Variants in RPS6KA5 observed in about 807,000 individuals in gnomAD.
The protein encoded by RPS6KA5 is ribosomal protein S6 kinase alpha-5.
RPS6KA5 carries 27 observed loss-of-function variants against 85.5 expected under a neutral mutation model. The ratio of observed to expected loss-of-function variants is 0.32; its 90% CI spans 0.23 to 0.44. The LOEUF (loss-of-function observed/expected upper bound fraction) is 0.44, where lower values mean the gene tolerates loss of function less well. Ranked by LOEUF, RPS6KA5 falls within the 20% of genes least tolerant of loss-of-function variation. The pLI, the probability that RPS6KA5 is intolerant of heterozygous loss-of-function variation, is 1.00. For synonymous variants in RPS6KA5, 334 were observed against 348.2 expected (o/e 0.96, Z 0.46); for missense variants, 811 against 980.9 (o/e 0.83, Z 2.31).
intron 1 of RPS6KA5, among the ~76,000 whole-genome samples, chr14:91,011,100 C>T (rs2041236095): frequency 6.6e-6 from 1 of 152,160 alleles, no homozygotes; most frequent in Non-Finnish European, 1.5e-5. Flanking sequence ...ATACAAATCA[C>T]TGTATGCAGA....
At chr14:90,880,361 C>T (rs555969450) in intron 14 of RPS6KA5, among the ~76,000 whole-genome samples, 4 of 152,314 alleles carry the variant, frequency 2.6e-5, no homozygotes, top group South Asian at 4.1e-4. Context: ...AGTATCTTTT[C>T]TGAACATACA....
At chr14:90,891,080 C>T (rs2034524748) in intron 13 of RPS6KA5, among the ~76,000 whole-genome samples, 2 of 151,864 alleles carry the variant, frequency 1.3e-5, no homozygotes, top group South Asian at 4.2e-4. Flanking sequence ...TTTACTTTTC[C>T]TTTCTGGCAC....
At chr14:91,006,262 T>TTGGCCATTCTC (rs1292156990) in intron 1 of RPS6KA5, among the ~76,000 whole-genome samples, 1 of 152,194 alleles carries the variant, frequency 6.6e-6, no homozygotes, top group Non-Finnish European at 1.5e-5. Context: ...GCCTGACAGA[T>TTGGCCATTCTC]TGGCCATTCT....
intron 5 of RPS6KA5, among the ~76,000 whole-genome samples, chr14:90,933,301 A>G (rs931695669): frequency 8.5e-5 from 13 of 152,262 alleles, no homozygotes; most frequent in African/African-American, 3.1e-4. Context: ...TGTCTAATAA[A>G]TGTCTCAAAC....
chr14:91,044,233 A>G (rs2042714211), intron 1 of RPS6KA5, among the ~76,000 whole-genome samples: 2 of 150,342 alleles, frequency 1.3e-5, no homozygotes, highest in South Asian at 2.1e-4. Flanking sequence ...AGAGAGAAAG[A>G]GATGGGGGAG....
At chr14:90,962,728 A>C (rs571710431) in intron 3 of RPS6KA5, among the ~76,000 whole-genome samples, 124 of 152,342 alleles carry the variant, frequency 8.1e-4, no homozygotes, top group African/African-American at 2.7e-3. Context: ...AATTGTAAGA[A>C]CAATACAAAG....
chr14:90,876,628 A>G (rs1020989206), intron 14 of RPS6KA5, among the ~76,000 whole-genome samples: 3 of 152,124 alleles, frequency 2.0e-5, no homozygotes, highest in African/African-American at 2.4e-5. Context: ...TTGGTCATCA[A>G]TGGTGGTGGG....
At chr14:90,874,280 T>C (rs2033309942) in intron 15 of RPS6KA5, among the ~76,000 whole-genome samples, 2 of 152,174 alleles carry the variant, frequency 1.3e-5, no homozygotes, top group African/African-American at 4.8e-5. Context: ...GATAGCAAGA[T>C]ACACAGGCAC....
chr14:91,040,796 G>C (rs2042578912), intron 1 of RPS6KA5, among the ~76,000 whole-genome samples: 1 of 152,192 alleles, frequency 6.6e-6, no homozygotes, highest in Admixed American at 6.5e-5. Flanking sequence ...GCAAGGGGAG[G>C]AAAGTACCAA....
At chr14:91,004,076 G>GT (rs1420208839) in intron 1 of RPS6KA5, among the ~76,000 whole-genome samples, 1 of 152,028 alleles carries the variant, frequency 6.6e-6, no homozygotes, top group Non-Finnish European at 1.5e-5. Context: ...TCATTTTCTT[G>GT]TTTTTTGTTT....
intron 14 of RPS6KA5, among the ~76,000 whole-genome samples, chr14:90,875,602 C>T (rs913673234): frequency 6.6e-5 from 10 of 152,142 alleles, no homozygotes; most frequent in Admixed American, 2.0e-4. Flanking sequence ...CACATGCACA[C>T]GTATGTTTAT....
chr14:90,944,704 G>A (rs1183586903), intron 4 of RPS6KA5, among the ~76,000 whole-genome samples: 2 of 151,612 alleles, frequency 1.3e-5, no homozygotes, highest in Non-Finnish European at 2.9e-5. Flanking sequence ...ACGGTGAGCT[G>A]AGATCGTGCC....
intron 5 of RPS6KA5, among the ~76,000 whole-genome samples, chr14:90,936,063 T>C (rs536326117): frequency 1.3e-5 from 2 of 152,316 alleles, no homozygotes; most frequent in East Asian, 1.9e-4. Flanking sequence ...AAAACTGTAC[T>C]ACCAAAAAAA....
At chr14:90,946,379 C>T (rs1188913670) in intron 4 of RPS6KA5, among the ~76,000 whole-genome samples, 4 of 152,192 alleles carry the variant, frequency 2.6e-5, no homozygotes, top group African/African-American at 9.6e-5. Context: ...GATTCCTACC[C>T]TTGAACCATC....
At chr14:91,031,832 G>C (rs879943664) in intron 1 of RPS6KA5, among the ~76,000 whole-genome samples, 1 of 152,042 alleles carries the variant, frequency 6.6e-6, no homozygotes, top group Non-Finnish European at 1.5e-5. Flanking sequence ...TAAGTAGACA[G>C]GCAGGGAAAT....
chr14:91,015,094 G>C (rs754578759), intron 1 of RPS6KA5, among the ~76,000 whole-genome samples: 8 of 152,170 alleles, frequency 5.3e-5, no homozygotes, highest in Non-Finnish European at 1.2e-4. Flanking sequence ...TGAAGAAAAA[G>C]ATTTAGGGAG....
intron 3 of RPS6KA5, among the ~76,000 whole-genome samples, chr14:90,972,118 A>G (rs1172038102): frequency 6.6e-6 from 1 of 152,242 alleles, no homozygotes; most frequent in Admixed American, 6.5e-5. Context: ...TTTCAACATC[A>G]GCAAACATAC....
At chr14:91,025,819 A>G (rs1295619225) in intron 1 of RPS6KA5, among the ~76,000 whole-genome samples, 2 of 151,852 alleles carry the variant, frequency 1.3e-5, no homozygotes, top group Non-Finnish European at 2.9e-5. Flanking sequence ...CTTAAAAAAA[A>G]AAAAAAAAGA....
At chr14:90,892,254 G>A (rs764860633) in intron 13 of RPS6KA5, among the ~76,000 whole-genome samples, 9 of 151,950 alleles carry the variant, frequency 5.9e-5, no homozygotes, top group East Asian at 5.8e-4. Flanking sequence ...CGCTTGCCTC[G>A]GCCTCCCAAA....
Sources: gnomAD v4.1 joint callset for allele counts (sites outside exome capture counted in the v4.1 genomes callset) on GRCh38, gnomAD v4.1.1 for gene constraint, MANE v1.5 for transcripts, NCBI Gene and HGNC (gene_info 2026-07-23, HGNC 2026-07-21) for gene names.